The following ZRANB3 variants were observed in gnomAD, a reference collection of about 807,000 sequenced individuals.
ZRANB3 encodes the protein zinc finger RANBP2-type containing 3.
A neutral mutation model predicts 133.8 loss-of-function variants in ZRANB3; 125 were observed. The observed-to-expected ratio is 0.93, with a 90% CI of 0.81 to 1.08. The LOEUF is 1.08. ZRANB3 is among the 50% of genes least tolerant of loss of function. The pLI, the probability that ZRANB3 is intolerant of heterozygous loss-of-function variation, is 0.00. For synonymous variants in ZRANB3, 387 were observed against 432.7 expected (o/e 0.89, Z 1.31); for missense variants, 1,229 against 1,275.5 (o/e 0.96, Z 0.56).
intron 2 of ZRANB3, among the ~76,000 whole-genome samples, chr2:135,423,626 T>C (rs1030372480): frequency 5.9e-5 from 9 of 152,110 alleles, no homozygotes; most frequent in African/African-American, 2.2e-4. Flanking sequence ...GGACACAATT[T>C]CATCTACTAC....
At chr2:135,219,050 A>G in intron 16 of ZRANB3, 27 bp downstream of exon 16, 1 of 1,352,084 alleles carries the variant, frequency 7.4e-7, no homozygotes, top group Non-Finnish European at 9.8e-7. Context: ...AAGTAAATAA[A>G]GCCATTTTAT....
intron 2 of ZRANB3, among the ~76,000 whole-genome samples, chr2:135,450,093 A>G (rs573740983): frequency 6.6e-6 from 1 of 152,192 alleles, no homozygotes; most frequent in Non-Finnish European, 1.5e-5. Context: ...TAAGTCCACA[A>G]TAAGTGGTAG....
chr2:135,384,410 G>C (rs1686866327), intron 3 of ZRANB3, among the ~76,000 whole-genome samples: 1 of 152,142 alleles, frequency 6.6e-6, no homozygotes. Flanking sequence ...AATTCTACCA[G>C]AGGTACAATG....
intron 12 of ZRANB3, among the ~76,000 whole-genome samples, chr2:135,233,147 C>T (rs1573723869): frequency 6.6e-6 from 1 of 152,138 alleles, no homozygotes; most frequent in Non-Finnish European, 1.5e-5. Flanking sequence ...GTGATGAATG[C>T]ACAAGCCTCA....
rs79341754 is a variant in ZRANB3, at chr2:135,276,234, GT to G, written c.967-480del. Among the ~76,000 whole-genome samples the G allele has an allele frequency of 9.7e-3, 1,245 of 128,846 alleles. 8 individuals are homozygous for G. The highest frequency in any genetic ancestry group is 0.022 in the African/African-American group (782 of 35,440). 84.5% of individuals were successfully genotyped at this position (128,846 alleles called of 152,430 possible). On this transcript the variant is annotated intron_variant, in intron 8 of 20. Coordinates refer to ENST00000264159, the MANE Select transcript of ZRANB3 (RefSeq NM_032143.4). ...GACTGAAGCTTAAGGTTTAAGGAAA[GT>G]TTTTTTTTTTTTTTTTTTACTTAAG...
chr2:135,236,119 TC>T (rs1372905301), intron 12 of ZRANB3, among the ~76,000 whole-genome samples: 1 of 152,082 alleles, frequency 6.6e-6, no homozygotes, highest in Non-Finnish European at 1.5e-5. Flanking sequence ...TGTACAAAAA[TC>T]ACAAGCATTC....
At chr2:135,484,711 A>T (rs1692011086) in intron 2 of ZRANB3, among the ~76,000 whole-genome samples, 1 of 150,218 alleles carries the variant, frequency 6.7e-6, no homozygotes, top group Non-Finnish European at 1.5e-5. Flanking sequence ...TTTAATAAAT[A>T]TTAATAAAAT....
chr2:135,510,319 C>T (rs1366190197), intron 1 of ZRANB3, among the ~76,000 whole-genome samples: 1 of 152,060 alleles, frequency 6.6e-6, no homozygotes, highest in Non-Finnish European at 1.5e-5. Context: ...ATCCGTTACT[C>T]CTAAAATATC....
intron 12 of ZRANB3, among the ~76,000 whole-genome samples, chr2:135,257,042 G>T (rs1173019937): frequency 6.6e-6 from 1 of 152,166 alleles, no homozygotes; most frequent in Non-Finnish European, 1.5e-5. Flanking sequence ...AAAAGGGGAG[G>T]AACCTTCAGT....
At chr2:135,499,866 T>C (rs144167017) in intron 2 of ZRANB3, among the ~76,000 whole-genome samples, 1 of 152,284 alleles carries the variant, frequency 6.6e-6, no homozygotes. Context: ...CCTCAGAATG[T>C]GACCTTATTT....
intron 12 of ZRANB3, among the ~76,000 whole-genome samples, chr2:135,247,300 G>T (rs1313858413): frequency 6.6e-6 from 1 of 151,962 alleles, no homozygotes; most frequent in Non-Finnish European, 1.5e-5. Flanking sequence ...ACACAAGTAG[G>T]GTTTTAATCA....
chr2:135,450,825 G>C (rs1416002956), intron 2 of ZRANB3, among the ~76,000 whole-genome samples: 1 of 152,186 alleles, frequency 6.6e-6, no homozygotes, highest in African/African-American at 2.4e-5. Flanking sequence ...GAGTTGAAGA[G>C]GGGGAGCTGA....
chr2:135,320,986 C>T (rs577082909), intron 6 of ZRANB3, among the ~76,000 whole-genome samples: 10 of 152,242 alleles, frequency 6.6e-5, no homozygotes, highest in Non-Finnish European at 1.2e-4. Context: ...TAGTTCATTG[C>T]TTTTTATTGT....
chr2:135,417,391 C>A (rs1179412034), intron 2 of ZRANB3, among the ~76,000 whole-genome samples: 2 of 151,898 alleles, frequency 1.3e-5, no homozygotes, highest in Non-Finnish European at 1.5e-5. Context: ...CAGAGAAATG[C>A]AAATCAAAAC....
At chr2:135,271,354 G>A (rs566489566) in intron 10 of ZRANB3, 47 of 471,948 alleles carry the variant, frequency 1.0e-4, no homozygotes, top group South Asian at 7.3e-4. Flanking sequence ...AAAGTCCTGA[G>A]ACAAGAGTTC....
chr2:135,203,041 T>C, intron 19 of ZRANB3, 78 bp from the exon 20 acceptor site: 3 of 1,516,906 alleles, frequency 2.0e-6, no homozygotes, highest in Non-Finnish European at 9.0e-7. Flanking sequence ...TGTGCAATCA[T>C]GTATGTTTAT....
At chr2:135,315,660 A>C (rs1259506095) in intron 6 of ZRANB3, 130 bp from the exon 7 acceptor site, 1 of 705,552 alleles carries the variant, frequency 1.4e-6, no homozygotes, top group Non-Finnish European at 2.1e-6. Flanking sequence ...CTGAATGAAT[A>C]TTAGTTTCAA....
chr2:135,444,578 T>C (rs1463373722), intron 2 of ZRANB3, among the ~76,000 whole-genome samples: 1 of 152,140 alleles, frequency 6.6e-6, no homozygotes, highest in Non-Finnish European at 1.5e-5. Context: ...GTATATTACT[T>C]CAACTACGTG....
At chr2:135,519,913 G>A (rs114464975) in intron 1 of ZRANB3, among the ~76,000 whole-genome samples, 1,567 of 152,154 alleles carry the variant, frequency 0.01, 25 homozygotes, top group African/African-American at 0.036. Flanking sequence ...ACATTAACCA[G>A]AGAGGAAGGG....
Sources: gnomAD v4.1 joint callset for allele counts (sites outside exome capture counted in the v4.1 genomes callset) on GRCh38, gnomAD v4.1.1 for gene constraint, MANE v1.5 for transcripts, NCBI Gene and HGNC (gene_info 2026-07-23, HGNC 2026-07-21) for gene names.